The following LRRC37A variants were observed in gnomAD, a reference collection of about 807,000 sequenced individuals.
LRRC37A encodes the protein leucine rich repeat containing 37A.
A neutral mutation model predicts 35.4 loss-of-function variants in LRRC37A; 3 were observed. The observed-to-expected ratio is 0.08, with a 90% confidence interval of 0.04 to 0.22. The LOEUF (loss-of-function observed/expected upper bound fraction) is 0.22. Ranked by LOEUF, LRRC37A falls within the 10% of genes least tolerant of loss-of-function variation. The pLI is 1.00. For missense variants in LRRC37A, 67 were observed against 565.3 expected (o/e 0.12, Z 8.94); for synonymous variants, 23 against 215.0 (o/e 0.11, Z 7.81).
the LRRC37A span, among the ~76,000 whole-genome samples, chr17:46,261,665 G>A: frequency 2.0e-5 from 3 of 151,438 alleles, no homozygotes; most frequent in Non-Finnish European, 4.4e-5. Context: ...TGCCCGCCTC[G>A]GCCTCCCAGA....
upstream of LRRC37A, among the ~76,000 whole-genome samples, chr17:46,289,785 AT>A (rs1373302015): frequency 1.3e-5 from 2 of 150,308 alleles, no homozygotes; most frequent in Admixed American, 1.3e-4. Flanking sequence ...AGAGTTTTTA[AT>A]TTTTTTAATG....
upstream of LRRC37A, among the ~76,000 whole-genome samples, chr17:46,290,244 C>T (rs1305895992): frequency 6.6e-6 from 1 of 152,194 alleles, no homozygotes; most frequent in Non-Finnish European, 1.5e-5. Flanking sequence ...GTCCCCTGGC[C>T]TCAGCCTCGC....
At chr17:46,282,965 C>T in the LRRC37A span, among the ~76,000 whole-genome samples, 3 of 149,668 alleles carry the variant, frequency 2.0e-5, no homozygotes, top group African/African-American at 7.3e-5. Context: ...CTAAAACTAC[C>T]AAAATTAGTC....
At chr17:46,333,420 T>C (rs1480305342) in intron 10 of LRRC37A, among the ~76,000 whole-genome samples, 1 of 43,542 alleles carries the variant, frequency 2.3e-5, no homozygotes, top group African/African-American at 3.5e-5. Context: ...AGCTTGCCTC[T>C]GTCTTTTGTT....
chr17:46,262,045 G>A, the LRRC37A span, among the ~76,000 whole-genome samples: 3 of 152,154 alleles, frequency 2.0e-5, no homozygotes, highest in Non-Finnish European at 4.4e-5. Context: ...CGTCTCCCGA[G>A]TTTAAGCAAT....
chr17:46,332,941 A>G lies in LRRC37A; in HGVS notation c.4809+285A>G, dbSNP rs535173264. 1.4e-3 allele frequency among the ~76,000 whole-genome samples: 212 copies of G among 151,470 alleles called. 3 individuals are homozygous for G. The highest frequency in any genetic ancestry group is 4.7e-3 in the African/African-American group (194 of 41,096). On this transcript the variant is annotated intron_variant, in intron 10 of 13. Coordinates refer to ENST00000320254, the Ensembl canonical transcript of LRRC37A. ...AGCAAAATTTCTCCCACCCAAAACT[A>G]TGTCAACAATTGGATGTACTCATCA...
chr17:46,293,975 C>T (rs1470926632), upstream of LRRC37A: 5 of 121,018 alleles, frequency 4.1e-5, 2 homozygotes, highest in African/African-American at 1.4e-4. Flanking sequence ...CAACCTCTGC[C>T]TCCCAGGTTC....
chr17:46,285,907 A>G, the LRRC37A span, among the ~76,000 whole-genome samples: 1 of 152,268 alleles, frequency 6.6e-6, no homozygotes, highest in Non-Finnish European at 1.5e-5. Flanking sequence ...ATCTGTAAGG[A>G]ACGGAGCACC....
chr17:46,250,972 G>A, the LRRC37A span, among the ~76,000 whole-genome samples: 2 of 152,208 alleles, frequency 1.3e-5, no homozygotes, highest in South Asian at 4.1e-4. Flanking sequence ...TGCCAAGGCT[G>A]GATTGTAGTG....
At chr17:46,282,757 A>G in the LRRC37A span, among the ~76,000 whole-genome samples, 1 of 152,154 alleles carries the variant, frequency 6.6e-6, no homozygotes, top group East Asian at 1.9e-4. Context: ...CTTTTAAAAT[A>G]CCCTCTTAGA....
chr17:46,270,814 C>T, the LRRC37A span, among the ~76,000 whole-genome samples: 4 of 152,300 alleles, frequency 2.6e-5, no homozygotes, highest in South Asian at 4.1e-4. Flanking sequence ...GCAGGAGGAT[C>T]GCTTGAACCT....
chr17:46,276,650 C>T, the LRRC37A span, among the ~76,000 whole-genome samples: 45 of 152,230 alleles, frequency 3.0e-4, no homozygotes, highest in African/African-American at 1.1e-3. Context: ...TTCTGGAAAC[C>T]CATAATAAAA....
chr17:46,262,281 G>T, the LRRC37A span, among the ~76,000 whole-genome samples: 1 of 152,196 alleles, frequency 6.6e-6, no homozygotes, highest in African/African-American at 2.4e-5. Context: ...TGATCCACCT[G>T]CCTTGGCCTC....
the LRRC37A span, among the ~76,000 whole-genome samples, chr17:46,282,788 AAGAG>A: frequency 1.3e-5 from 2 of 151,642 alleles, no homozygotes; most frequent in East Asian, 1.9e-4. Flanking sequence ...CTTGCTACAG[AAGAG>A]AGAAAGCACC....
the LRRC37A span, among the ~76,000 whole-genome samples, chr17:46,274,195 G>A: frequency 2.0e-5 from 3 of 152,228 alleles, no homozygotes; most frequent in Non-Finnish European, 4.4e-5. Context: ...CTGTCTGTGG[G>A]AGAAAAACTA....
chr17:46,268,371 A>T, the LRRC37A span: 1 of 742,804 alleles, frequency 1.3e-6, no homozygotes, highest in Non-Finnish European at 1.8e-6. Flanking sequence ...CCTTGCCTGT[A>T]GACTAAATAT....
At chr17:46,249,916 TGCCTCA>T in the LRRC37A span, among the ~76,000 whole-genome samples, 1 of 152,218 alleles carries the variant, frequency 6.6e-6, no homozygotes, top group African/African-American at 2.4e-5. Context: ...GCAATTCTCC[TGCCTCA>T]GCCTCCCGAG....
At chr17:46,288,467 T>C (rs2049978768), upstream of LRRC37A, among the ~76,000 whole-genome samples, 1 of 152,022 alleles carries the variant, frequency 6.6e-6, no homozygotes, top group Non-Finnish European at 1.5e-5. Flanking sequence ...TGCCACCACA[T>C]CTGGCTAATT....
the LRRC37A span, among the ~76,000 whole-genome samples, chr17:46,263,873 A>T: frequency 7.6e-6 from 1 of 130,762 alleles, no homozygotes; most frequent in African/African-American, 2.5e-5. Flanking sequence ...AAAAAAAAAA[A>T]AGAGAGAGAG....
Sources: allele counts gnomAD v4.1 joint callset (sites outside exome capture counted in the v4.1 genomes callset), GRCh38; gene constraint gnomAD v4.1.1; transcripts MANE v1.5; gene names NCBI Gene and HGNC (gene_info 2026-07-23, HGNC 2026-07-21).